The following FOXP1 variants were observed in gnomAD, a reference collection of about 807,000 sequenced individuals.
FOXP1 encodes forkhead box protein P1.
FOXP1 carries 15 observed loss-of-function variants against 98.2 expected under a neutral mutation model. That is an observed-to-expected ratio of 0.15 (90% confidence interval 0.10 to 0.24). The LOEUF (loss-of-function observed/expected upper bound fraction) is 0.24. Ranked by LOEUF, FOXP1 falls within the 10% of genes least tolerant of loss-of-function variation. FOXP1 has a pLI of 1.00. For missense variants in FOXP1, 633 were observed against 848.5 expected, an observed-to-expected ratio of 0.75 and a Z score of 3.15; for synonymous variants, 371 against 314.5, an observed-to-expected ratio of 1.18 and a Z score of -1.90.
chr3:71,217,509 T>G (rs563373578), intron 5 of FOXP1, among the ~76,000 whole-genome samples: 1 of 152,282 alleles, frequency 6.6e-6, no homozygotes, highest in East Asian at 1.9e-4. Flanking sequence ...TCATAAATAC[T>G]ACCAAACTGA....
At chr3:71,343,312 A>C (rs933411729) in intron 4 of FOXP1, among the ~76,000 whole-genome samples, 2 of 152,170 alleles carry the variant, frequency 1.3e-5, no homozygotes, top group South Asian at 4.1e-4. Flanking sequence ...ATGTGCATAC[A>C]TTGATTTTTT....
chr3:71,450,549 T>C (rs556817484), intron 3 of FOXP1, among the ~76,000 whole-genome samples: 17 of 152,348 alleles, frequency 1.1e-4, no homozygotes, highest in Admixed American at 2.6e-4. Context: ...GGCTTGCTCT[T>C]GTTTCTGAAC....
chr3:71,451,889 C>A (rs1037056522), intron 3 of FOXP1, among the ~76,000 whole-genome samples: 3 of 152,026 alleles, frequency 2.0e-5, no homozygotes, highest in Admixed American at 2.0e-4. Context: ...CTGTTAAAGC[C>A]CCAAATAAAA....
intron 7 of FOXP1, among the ~76,000 whole-genome samples, chr3:71,062,354 A>T (rs530613127): frequency 2.6e-5 from 4 of 152,350 alleles, no homozygotes; most frequent in Admixed American, 1.3e-4. Context: ...GAATGTTTCC[A>T]TTCCATCCCT....
At chr3:71,345,909 G>A (rs967567638) in intron 4 of FOXP1, among the ~76,000 whole-genome samples, 1 of 86,192 alleles carries the variant, frequency 1.2e-5, no homozygotes, top group Non-Finnish European at 3.0e-5. Flanking sequence ...GAGGAGTGAG[G>A]TGGTTAAGTA....
chr3:71,555,673 G>C (rs1211212028), intron 2 of FOXP1, among the ~76,000 whole-genome samples: 1 of 152,036 alleles, frequency 6.6e-6, no homozygotes, highest in Non-Finnish European at 1.5e-5. Flanking sequence ...CGTGTTCCAG[G>C]GTCCATGCAT....
At chr3:71,517,982 C>T (rs975002948) in intron 2 of FOXP1, among the ~76,000 whole-genome samples, 1 of 152,142 alleles carries the variant, frequency 6.6e-6, no homozygotes, top group African/African-American at 2.4e-5. Context: ...GTTAAGTCAA[C>T]TCAGTAACAA....
At chr3:70,990,673 A>T (rs1290540746) in intron 13 of FOXP1, among the ~76,000 whole-genome samples, 1 of 152,256 alleles carries the variant, frequency 6.6e-6, no homozygotes. Flanking sequence ...CAGAGAAGAG[A>T]ATTACTCTCT....
chr3:71,066,762 T>C (rs1011405568), intron 7 of FOXP1, among the ~76,000 whole-genome samples: 2 of 152,160 alleles, frequency 1.3e-5, no homozygotes, highest in African/African-American at 4.8e-5. Context: ...GTTTTTATTT[T>C]AGAAACTAAG....
At chr3:71,103,803 G>A (rs537429906) in intron 7 of FOXP1, among the ~76,000 whole-genome samples, 3 of 152,298 alleles carry the variant, frequency 2.0e-5, no homozygotes, top group Non-Finnish European at 2.9e-5. Flanking sequence ...AATTCTTGCA[G>A]ACTTACAAAA....
intron 9 of FOXP1, among the ~76,000 whole-genome samples, chr3:71,049,119 G>T (rs1023460329): frequency 6.6e-6 from 1 of 152,090 alleles, no homozygotes; most frequent in African/African-American, 2.4e-5. Context: ...AGGTCTCCGT[G>T]CAGTCCCCTC....
At chr3:71,201,463 T>A (rs574832226) in intron 5 of FOXP1, among the ~76,000 whole-genome samples, 1 of 151,888 alleles carries the variant, frequency 6.6e-6, no homozygotes, top group African/African-American at 2.4e-5. Context: ...CTGGCCAACA[T>A]GGTGAAACTG....
intron 2 of FOXP1, among the ~76,000 whole-genome samples, chr3:71,524,653 AT>A (rs2043235695): frequency 6.6e-6 from 1 of 152,204 alleles, no homozygotes; most frequent in African/African-American, 2.4e-5. Context: ...TTTCTGTAAA[AT>A]ATTAAACTGT....
At chr3:71,433,831 G>T (rs1240460900) in intron 3 of FOXP1, among the ~76,000 whole-genome samples, 1 of 152,130 alleles carries the variant, frequency 6.6e-6, no homozygotes, top group African/African-American at 2.4e-5. Context: ...GCAAGCAAAG[G>T]CGTGTCTACA....
At chr3:71,397,019 T>TAC (rs1560425175) in intron 3 of FOXP1, among the ~76,000 whole-genome samples, 8 of 57,278 alleles carry the variant, frequency 1.4e-4, no homozygotes, top group Non-Finnish European at 2.4e-4. Flanking sequence ...TATATATATA[T>TAC]ATATACATAT....
chr3:70,993,440 C>T (rs2040912464), intron 13 of FOXP1, among the ~76,000 whole-genome samples: 1 of 152,224 alleles, frequency 6.6e-6, no homozygotes, highest in Non-Finnish European at 1.5e-5. Context: ...AAAAGGAGCA[C>T]AGGCTACAAA....
chr3:71,148,825 C>A (rs1302848709), intron 6 of FOXP1, among the ~76,000 whole-genome samples: 2 of 152,134 alleles, frequency 1.3e-5, no homozygotes, highest in African/African-American at 4.8e-5. Context: ...CTTTTCCAGT[C>A]CAGCAGGAAG....
chr3:71,091,159 T>C (rs1416518936), intron 7 of FOXP1, among the ~76,000 whole-genome samples: 1 of 98,952 alleles, frequency 1.0e-5, no homozygotes, highest in African/African-American at 3.2e-5. Context: ...TCTGAATTAA[T>C]CTGCTGGGTA....
In FOXP1 at chr3:71,130,607, T is replaced by C. The variant is rs367710336; in HGVS notation, c.181-17970A>G. 3.6e-4 allele frequency: 569 copies of C among 1,598,204 alleles called. No individual in the cohort carries two copies. The African/African-American group carries it at 6.8e-3, about 19-fold the overall frequency. On this transcript the variant is annotated intron_variant, in intron 6 of 20. Coordinates refer to ENST00000649528, the MANE Select transcript of FOXP1 (RefSeq NM_001349338.3). ...TTTCTGCGAAGCGGGGGTTGCCGAG[T>C]GGTAAAAAAGATGTTTGAATAAACA... is the stretch of plus-strand genomic sequence containing the variant.
Sources: allele counts gnomAD v4.1 joint callset (sites outside exome capture counted in the v4.1 genomes callset), GRCh38; gene constraint gnomAD v4.1.1; transcripts MANE v1.5; gene names NCBI Gene and HGNC (gene_info 2026-07-23, HGNC 2026-07-21).